ATF7IP: variants seen among roughly 807,000 people sequenced by gnomAD.
The protein encoded by ATF7IP is activating transcription factor 7 interacting protein.
Under a neutral mutation model 106.4 loss-of-function variants are expected in ATF7IP, and 23 were observed. That is an observed-to-expected ratio of 0.22 (90% CI 0.16 to 0.31). ATF7IP has a LOEUF of 0.31. ATF7IP is among the 10% of genes least tolerant of loss of function. The pLI, the probability that ATF7IP is intolerant of heterozygous loss-of-function variation, is 1.00. For missense variants in ATF7IP, 1,334 were observed against 1,524.3 expected, an observed-to-expected ratio of 0.88 and a Z score of 2.08; for synonymous variants, 542 against 539.0, an observed-to-expected ratio of 1.01 and a Z score of -0.08.
At chr12:14,395,333 A>AT (rs1024505939) in intron 1 of ATF7IP, 1 of 152,070 alleles carries the variant, frequency 6.6e-6, no homozygotes, top group Admixed American at 6.6e-5. Context: ...GTTTTTAAAA[A>AT]TTTGTTTGTT....
intron 2 of ATF7IP, among the ~76,000 whole-genome samples, chr12:14,432,120 A>ATGGAGAGGAAACTAACT (rs1942169952): frequency 2.6e-5 from 4 of 152,198 alleles, no homozygotes; most frequent in African/African-American, 9.7e-5. Flanking sequence ...ACATGCGTAT[A>ATGGAGAGGAAACTAACT]AAAGAGGCAA....
At chr12:14,487,192 A>G (rs1944648497) in intron 13 of ATF7IP, among the ~76,000 whole-genome samples, 1 of 151,648 alleles carries the variant, frequency 6.6e-6, no homozygotes, top group Non-Finnish European at 1.5e-5. Context: ...CCAAATCAAG[A>G]AATTCAGCCT....
intron 13 of ATF7IP, chr12:14,482,661 T>C (rs978004761): frequency 2.0e-5 from 3 of 152,190 alleles, no homozygotes; most frequent in African/African-American, 7.2e-5. Flanking sequence ...CCCAGCCCAC[T>C]GACTCAAATG....
intron 2 of ATF7IP, among the ~76,000 whole-genome samples, chr12:14,429,695 T>A (rs553211153): frequency 6.6e-6 from 1 of 152,350 alleles, no homozygotes; most frequent in East Asian, 1.9e-4. Context: ...GTCAATTTAC[T>A]GTTAATTTGT....
chr12:14,369,985 T>C (rs974374658), intron 1 of ATF7IP, among the ~76,000 whole-genome samples: 1 of 151,930 alleles, frequency 6.6e-6, no homozygotes, highest in African/African-American at 2.4e-5. Context: ...TTGCCCAGGC[T>C]GGAGTGCAAT....
intron 13 of ATF7IP, among the ~76,000 whole-genome samples, chr12:14,484,483 A>T (rs186713744): frequency 1.1e-3 from 162 of 152,336 alleles, no homozygotes; most frequent in Non-Finnish European, 1.8e-3. Context: ...CTTCCAAGCA[A>T]AGTGCACAAC....
At chr12:14,482,667 A>G (rs959328000) in intron 13 of ATF7IP, 2 of 152,194 alleles carry the variant, frequency 1.3e-5, no homozygotes, top group Admixed American at 6.5e-5. Flanking sequence ...CCACTGACTC[A>G]AATGTTAATC....
chr12:14,441,405 C>T (rs1028429372), intron 5 of ATF7IP, among the ~76,000 whole-genome samples: 15 of 151,300 alleles, frequency 9.9e-5, no homozygotes, highest in Non-Finnish European at 2.1e-4. Flanking sequence ...CTATTAAAGT[C>T]CTTTGCCCAT....
At chr12:14,445,267 G>A (rs779913503) in intron 5 of ATF7IP, among the ~76,000 whole-genome samples, 1 of 152,108 alleles carries the variant, frequency 6.6e-6, no homozygotes, top group Non-Finnish European at 1.5e-5. Context: ...GGGATTACAG[G>A]TGTGAGCCAC....
At chr12:14,497,516 G>A (rs549548492) in intron 14 of ATF7IP, 138 bp from the exon 15 acceptor site, 1 of 910,904 alleles carries the variant, frequency 1.1e-6, no homozygotes, top group African/African-American at 1.7e-5. Flanking sequence ...TGCCAAATTT[G>A]ATATGGTATT....
At chr12:14,441,905 A>T (rs1173723471) in intron 5 of ATF7IP, among the ~76,000 whole-genome samples, 1 of 152,174 alleles carries the variant, frequency 6.6e-6, no homozygotes, top group African/African-American at 2.4e-5. Context: ...ATGCCTTTTG[A>T]TGCACAAAAC....
chr12:14,468,853 A>G (rs1943933035), intron 10 of ATF7IP, among the ~76,000 whole-genome samples: 1 of 152,136 alleles, frequency 6.6e-6, no homozygotes, highest in South Asian at 2.1e-4. Context: ...CATTTTTGTT[A>G]TTGTGATGAA....
intron 1 of ATF7IP, among the ~76,000 whole-genome samples, chr12:14,391,041 C>T (rs1279060624): frequency 6.6e-6 from 1 of 152,126 alleles, no homozygotes. Flanking sequence ...ACAGTGACTC[C>T]CCTGCTTTAC....
At chr12:14,389,473 C>G (rs1346704496) in intron 1 of ATF7IP, among the ~76,000 whole-genome samples, 2 of 152,148 alleles carry the variant, frequency 1.3e-5, no homozygotes, top group East Asian at 3.8e-4. Context: ...GACTTGAATT[C>G]ACGGCCTAGA....
At chr12:14,388,397 A>G (rs1591772750) in intron 1 of ATF7IP, among the ~76,000 whole-genome samples, 1 of 143,630 alleles carries the variant, frequency 7.0e-6, no homozygotes, top group Non-Finnish European at 1.5e-5. Context: ...CTGAGGCTGG[A>G]GTGTAGTGGT....
At chr12:14,385,428 A>G (rs2136419409) in intron 1 of ATF7IP, 3 of 1,527,654 alleles carry the variant, frequency 2.0e-6, no homozygotes, top group Admixed American at 4.0e-5. Context: ...TTTTATCTTA[A>G]ACATTCTCAT....
chr12:14,460,737 C>A lies in ATF7IP; in HGVS notation c.2401C>A (p.His801Asn), dbSNP rs904645344. The change falls in exon 9 of 15, where the codon CAT becomes AAT. Residue 801 changes from histidine (H) to asparagine (N), a missense_variant. By Grantham distance (68) the His-to-Asn change is moderately conservative. Coordinates refer to ENST00000261168, the MANE Select transcript of ATF7IP (RefSeq NM_018179.5). The part of the protein sequence containing the change: ...VSSQPQLLQS[H>N]PGTLVTNQPS... ...CTCCCAGCCTCAGCTTCTACAGAGC[C>A]ATCCAGGGACTTTGGTGACTAATCA... 2 of 1,614,088 alleles carry A rather than the reference C, an allele frequency of 1.2e-6. No homozygotes were observed. Among genetic ancestry groups the A allele is most frequent in the African/African-American group, 1.3e-5 (1 of 74,944 alleles).
chr12:14,389,256 A>G (rs1939414705), intron 1 of ATF7IP, among the ~76,000 whole-genome samples: 1 of 152,210 alleles, frequency 6.6e-6, no homozygotes, highest in Non-Finnish European at 1.5e-5. Flanking sequence ...GTAATGTTAT[A>G]TATTCGTTTT....
At chr12:14,451,093 A>T (rs2136680681) in intron 6 of ATF7IP, among the ~76,000 whole-genome samples, 1 of 151,688 alleles carries the variant, frequency 6.6e-6, no homozygotes, top group East Asian at 1.9e-4. Flanking sequence ...TTATAGATTT[A>T]TTTATTTATT....
Sources: gnomAD v4.1 joint callset for allele counts (sites outside exome capture counted in the v4.1 genomes callset) on GRCh38, gnomAD v4.1.1 for gene constraint, MANE v1.5 for transcripts, NCBI Gene and HGNC (gene_info 2026-07-23, HGNC 2026-07-21) for gene names.